Variants in ELAVL2 observed in about 807,000 individuals in gnomAD.
The protein encoded by ELAVL2 is ELAV-like protein 2.
A neutral mutation model predicts 34.6 loss-of-function variants in ELAVL2; 4 were observed. The observed-to-expected ratio is 0.12, with a 90% CI of 0.06 to 0.26. The LOEUF is 0.26. Ranked by LOEUF, ELAVL2 falls within the 10% of genes least tolerant of loss-of-function variation. The pLI is 1.00. For synonymous variants in ELAVL2, 193 were observed against 154.8 expected (o/e 1.25, Z -1.83); for missense variants, 432 against 442.8 (o/e 0.98, Z 0.22).
At position 23,692,311 on chromosome 9, in the gene ELAVL2, T is replaced by C. The variant is rs906307217; in HGVS notation, c.*246A>G. On this transcript the variant is annotated 3_prime_UTR_variant, in exon 7 of 7. Coordinates refer to ENST00000397312, the MANE Select transcript of ELAVL2 (RefSeq NM_004432.5). ...GGTCCACCTTCTTCAAAGAAGGCAATAGAATGCAATGTGACAGGTAAAAAC... is the reference window on the plus strand; with the variant it reads ...GGTCCACCTTCTTCAAAGAAGGCAACAGAATGCAATGTGACAGGTAAAAAC... The C allele has an allele frequency of 7.0e-6, 3 of 428,514 alleles. No homozygotes were observed. Among genetic ancestry groups the C allele is most frequent in the African/African-American group, 3.9e-5 (2 of 50,740 alleles). 26.5% of individuals were successfully genotyped at this position (428,514 alleles called of 1,614,324 possible). A position where few individuals can be genotyped will look rare whatever the true frequency, so the allele number is the denominator to read the frequency against.
At chr9:23,713,810 C>T (rs2041638674) in intron 3 of ELAVL2, among the ~76,000 whole-genome samples, 1 of 152,084 alleles carries the variant, frequency 6.6e-6, no homozygotes, top group Admixed American at 6.5e-5. Context: ...TACTATGAAA[C>T]TAGAGGTTAG....
At chr9:23,821,884 G>T (rs1198972109) in intron 1 of ELAVL2, 1 of 151,270 alleles carries the variant, frequency 6.6e-6, no homozygotes, top group Non-Finnish European at 1.5e-5. Flanking sequence ...TTGGAAGAGC[G>T]CCAGGAGGCG....
the ELAVL2 span, among the ~76,000 whole-genome samples, chr9:23,844,533 C>T: frequency 2.6e-5 from 4 of 151,910 alleles, no homozygotes; most frequent in Non-Finnish European, 4.4e-5. Context: ...CTCTAATTAT[C>T]TTTAACAAAG....
intron 1 of ELAVL2, among the ~76,000 whole-genome samples, chr9:23,772,660 T>C (rs912028378): frequency 2.6e-5 from 4 of 151,996 alleles, no homozygotes; most frequent in Admixed American, 6.5e-5. Flanking sequence ...TTAGAATTCA[T>C]TGATGTATTG....
intron 1 of ELAVL2, among the ~76,000 whole-genome samples, chr9:23,812,953 T>C (rs1479559732): frequency 6.6e-6 from 1 of 152,114 alleles, no homozygotes; most frequent in Admixed American, 6.5e-5. Context: ...GCTACATTAA[T>C]GCTGGGTTGA....
intron 3 of ELAVL2, among the ~76,000 whole-genome samples, chr9:23,718,065 G>C (rs1186666218): frequency 6.6e-6 from 1 of 152,116 alleles, no homozygotes; most frequent in Non-Finnish European, 1.5e-5. Context: ...CTTGGAGACA[G>C]GCCTATTAGT....
chr9:23,746,003 G>C (rs371539920), intron 2 of ELAVL2, among the ~76,000 whole-genome samples: 1 of 152,138 alleles, frequency 6.6e-6, no homozygotes, highest in African/African-American at 2.4e-5. Context: ...TAATCAAAAG[G>C]GGGAGGAAGT....
rs10966026 is a variant in ELAVL2, at chr9:23,692,593, C to T, written c.1044G>A (p.Gln348=). The change falls in exon 7 of 7, where the codon CAG becomes CAA. Residue 348 remains glutamine (Q), a synonymous_variant. Transcript: ENST00000397312. ...GCGTTTTGTTTGTCTTAAAGGAGAC[C>T]TGCAGTACTCTGTCTCCCAGACGGT... ...NGYRLGDRVL[Q]VSFKTNKTHK... is the part of the protein sequence containing the mutation. The T allele has an allele frequency of 7.4e-6, 12 of 1,613,960 alleles. No homozygotes were observed. The African/African-American group carries it at 1.6e-4, about 22-fold the overall frequency.
intron 6 of ELAVL2, 24 bp from the exon 7 acceptor site, chr9:23,692,908 A>G: frequency 6.3e-7 from 1 of 1,592,558 alleles, no homozygotes; most frequent in Non-Finnish European, 8.6e-7. Context: ...TAGGAAATAC[A>G]CACATACACA....
At chr9:23,764,952 C>G in intron 1 of ELAVL2, 6 of 1,542,024 alleles carry the variant, frequency 3.9e-6, no homozygotes, top group Non-Finnish European at 5.3e-6. Flanking sequence ...GGCCTCAGCA[C>G]TCCTCCAACA....
chr9:23,767,647 T>G (rs1036511596), intron 1 of ELAVL2, among the ~76,000 whole-genome samples: 41 of 151,962 alleles, frequency 2.7e-4, no homozygotes, highest in Non-Finnish European at 8.8e-5. Context: ...CTGGGCGTGG[T>G]CTGTAGTCCC....
At chr9:23,746,669 A>G (rs1450514890) in intron 2 of ELAVL2, among the ~76,000 whole-genome samples, 5 of 152,014 alleles carry the variant, frequency 3.3e-5, no homozygotes, top group South Asian at 2.1e-4. Context: ...GACCCACCCA[A>G]CTGGCTTCTG....
At chr9:23,719,675 T>A (rs990185455) in intron 3 of ELAVL2, among the ~76,000 whole-genome samples, 1 of 152,148 alleles carries the variant, frequency 6.6e-6, no homozygotes, top group African/African-American at 2.4e-5. Context: ...GCATAAAATG[T>A]GTGGAAGCTC....
At chr9:23,773,506 G>A (rs916157793) in intron 1 of ELAVL2, among the ~76,000 whole-genome samples, 5 of 152,124 alleles carry the variant, frequency 3.3e-5, no homozygotes, top group Admixed American at 2.6e-4. Flanking sequence ...AGTAGGTGGG[G>A]CAAGTACCCC....
intron 5 of ELAVL2, among the ~76,000 whole-genome samples, chr9:23,698,957 G>T (rs76693481): frequency 0.011 from 1,704 of 152,260 alleles, 24 homozygotes; most frequent in African/African-American, 0.04. Context: ...GGGTGAATGG[G>T]ACAACAGTTA....
intron 2 of ELAVL2, among the ~76,000 whole-genome samples, chr9:23,744,813 T>C (rs985903961): frequency 5.9e-5 from 9 of 152,124 alleles, no homozygotes; most frequent in Non-Finnish European, 1.3e-4. Flanking sequence ...TTTTACCTCA[T>C]TATTCCCTAC....
chr9:23,754,437 G>C (rs1399215730), intron 2 of ELAVL2, among the ~76,000 whole-genome samples: 1 of 151,870 alleles, frequency 6.6e-6, no homozygotes, highest in African/African-American at 2.4e-5. Flanking sequence ...ATTCCACTTT[G>C]GCATTAAGTT....
chr9:23,837,945 A>G, the ELAVL2 span, among the ~76,000 whole-genome samples: 1 of 152,198 alleles, frequency 6.6e-6, no homozygotes, highest in Admixed American at 6.5e-5. Flanking sequence ...AATATTTTAT[A>G]TAAGATGTCC....
rs116155127 is a variant in ELAVL2 at position 23,699,496 on chromosome 9, T to C, written c.713+1883A>G. Among the ~76,000 whole-genome samples, 980 of 152,270 alleles carry C rather than the reference T, an allele frequency of 6.4e-3. 5 individuals carry two copies. The highest frequency in any genetic ancestry group is 0.022 in the African/African-American group (930 of 41,552). On this transcript the variant is annotated intron_variant, in intron 5 of 6. Transcript: ENST00000397312. ...ACAATGTTAAAAATCAACCAATACATTATGAAGAACTTTGTTCTATCTAAA... is the reference window on the plus strand; with the variant it reads ...ACAATGTTAAAAATCAACCAATACACTATGAAGAACTTTGTTCTATCTAAA...
Sources: allele counts gnomAD v4.1 joint callset (sites outside exome capture counted in the v4.1 genomes callset), GRCh38; gene constraint gnomAD v4.1.1; transcripts MANE v1.5; gene names NCBI Gene and HGNC (gene_info 2026-07-23, HGNC 2026-07-21).